Variants in NME5 observed in about 807,000 individuals in gnomAD.
NME5 encodes the protein nucleoside diphosphate kinase 5.
In NME5, 18 loss-of-function variants were observed where a neutral mutation model predicts 21.6. The observed-to-expected ratio is 0.83, with a 90% CI of 0.58 to 1.24. The LOEUF is 1.24. NME5 is among the 50% of genes most tolerant of loss of function. The pLI is 0.00. For missense variants in NME5, 223 were observed against 255.4 expected (o/e 0.87, Z 0.86); for synonymous variants, 70 against 80.6 (o/e 0.87, Z 0.71).
At chr5:138,122,568 C>A (rs1264266373) in intron 4 of NME5, among the ~76,000 whole-genome samples, 1 of 150,198 alleles carries the variant, frequency 6.7e-6, no homozygotes, top group African/African-American at 2.5e-5. Flanking sequence ...AAATTGCACA[C>A]AATTAATGTA....
At position 138,139,427 on chromosome 5, in the gene NME5, G is replaced by A; in HGVS notation, c.-62C>T. The A allele has an allele frequency of 1.0e-6, 1 of 985,122 alleles. No homozygotes were observed. Among genetic ancestry groups the A allele is most frequent in the Non-Finnish European group, 1.2e-6 (1 of 829,682 alleles). The allele number at this position is 985,122 out of a possible 1,614,324, so 61.0% of individuals were successfully genotyped here. On this transcript the variant is annotated 5_prime_UTR_variant, in exon 1 of 6. In the 5' UTR this introduces an upstream ATG that the reference lacks. Coordinates refer to ENST00000265191, the MANE Select transcript of NME5 (RefSeq NM_003551.3). Reference sequence around the variant, plus strand: ...TTGCTAGGAGACCTGAAGCCCCAGCGTGGGGACGGTGGCTGCAGAGAGCCA... The same window carrying A: ...TTGCTAGGAGACCTGAAGCCCCAGCATGGGGACGGTGGCTGCAGAGAGCCA...
chr5:138,131,744 T>A (rs10061967), intron 2 of NME5, among the ~76,000 whole-genome samples: 43,687 of 151,720 alleles, frequency 0.29, 7,379 homozygotes, highest in South Asian at 0.43. Context: ...GCTTTTTTTT[T>A]TTTTTATTTT....
chr5:138,133,395 G>A (rs1751619419), intron 2 of NME5, among the ~76,000 whole-genome samples: 1 of 151,870 alleles, frequency 6.6e-6, no homozygotes, highest in Non-Finnish European at 1.5e-5. Context: ...GTGAGCCACC[G>A]CGCCCGGCCT....
chr5:138,120,301 T>C (rs1751258747), intron 4 of NME5, among the ~76,000 whole-genome samples: 1 of 148,238 alleles, frequency 6.7e-6, no homozygotes, highest in African/African-American at 2.5e-5. Context: ...TGCCGCGATC[T>C]TGGCTCACTG....
chr5:138,139,423 C>T lies in NME5; in HGVS notation c.-58G>A, dbSNP rs999536566. ...CTTGTTGCTAGGAGACCTGAAGCCCCAGCGTGGGGACGGTGGCTGCAGAGA... is the reference window on the plus strand; with the variant it reads ...CTTGTTGCTAGGAGACCTGAAGCCCTAGCGTGGGGACGGTGGCTGCAGAGA... On this transcript the variant is annotated 5_prime_UTR_variant, in exon 1 of 6. Coordinates refer to ENST00000265191, the MANE Select transcript of NME5 (RefSeq NM_003551.3). The T allele has an allele frequency of 3.0e-6, 3 of 985,282 alleles. No homozygotes were observed. The highest frequency in any genetic ancestry group is 3.6e-6 in the Non-Finnish European group (3 of 829,858). 61.0% of individuals were successfully genotyped at this position (985,282 alleles called of 1,614,324 possible).
Position 138,139,377 on chromosome 5 carries a change from G to A in NME5, c.-12C>T. On this transcript the variant is annotated 5_prime_UTR_variant, in exon 1 of 6. Transcript: ENST00000265191. The stretch of plus-strand genomic sequence containing the variant: ...ACCCTCTCTAAGTACTCACCTCAGC[G>A]GCCGTCCTCATATGGTACAACTTGT... 3 of 985,578 alleles carry A rather than the reference G, an allele frequency of 3.0e-6. No homozygotes were observed. The highest frequency in any genetic ancestry group is 3.6e-6 in the Non-Finnish European group (3 of 830,150). 61.1% of individuals were successfully genotyped at this position (985,578 alleles called of 1,614,324 possible).
chr5:138,134,405 G>A (rs559802210), intron 2 of NME5, among the ~76,000 whole-genome samples: 3 of 152,012 alleles, frequency 2.0e-5, no homozygotes, highest in South Asian at 2.1e-4. Context: ...CACCACGCCC[G>A]GCTAATTTTT....
At chr5:138,123,064 A>G (rs1751322562) in intron 4 of NME5, 1 of 152,116 alleles carries the variant, frequency 6.6e-6, no homozygotes, top group Non-Finnish European at 1.5e-5. Context: ...GGCCAAGCTA[A>G]TCTTCTCTGT....
intron 3 of NME5, 65 bp downstream of exon 3, chr5:138,129,198 A>AT (rs11428296): frequency 0.16 from 168,718 of 1,051,064 alleles, 6,131 homozygotes; most frequent in East Asian, 0.48. Context: ...ATGAAATCAG[A>AT]TTTTTTTTTT....
intron 2 of NME5, among the ~76,000 whole-genome samples, chr5:138,131,745 T>A (rs1390629108): frequency 2.0e-5 from 3 of 151,916 alleles, no homozygotes; most frequent in South Asian, 2.1e-4. Context: ...CTTTTTTTTT[T>A]TTTTATTTTT....
intron 2 of NME5, among the ~76,000 whole-genome samples, chr5:138,130,316 A>G (rs1486929023): frequency 6.6e-6 from 1 of 151,408 alleles, no homozygotes; most frequent in Admixed American, 6.6e-5. Context: ...CCACTACATT[A>G]GAGGTGGTGA....
In NME5 at chr5:138,115,695, C is replaced by A; in HGVS notation, c.625G>T (p.Glu209Ter). ...GGATTTTTTTTTTAATAAGGTTCTT[C>A]TACAATTGGATGGTGACAAAGTTTG... ...KPKLCHHPIV[E>*]EPY Residue 209 changes from glutamate to a stop codon, truncating the protein, a stop_gained, in exon 6 of 6, where the codon GAA (glutamate) becomes TAA (stop). Transcript: ENST00000265191. LOFTEE classifies it high-confidence loss of function. 1.3e-6 allele frequency: 2 copies of A among 1,561,844 alleles called. No individual in the cohort carries two copies. Among genetic ancestry groups the A allele is most frequent in the Admixed American group, 2.0e-5 (1 of 50,762 alleles).
rs371297694 is a variant in NME5, at chr5:138,118,960, T to C, written c.437-24A>G. 99 of 1,283,172 alleles carry C rather than the reference T, an allele frequency of 7.7e-5. No individual in the cohort carries two copies. The African/African-American group carries it at 1.2e-3, about 16-fold the overall frequency. 79.5% of individuals were successfully genotyped at this position (1,283,172 alleles called of 1,614,324 possible). ...CACTGCAAATACAAATGTATTCTCA[T>C]TGATGCAAACATAATGATTAAATAC... On this transcript the variant is annotated intron_variant, in intron 4 of 5. Coordinates refer to ENST00000265191, the MANE Select transcript of NME5 (RefSeq NM_003551.3).
At chr5:138,130,856 G>A (rs1416106025) in intron 2 of NME5, among the ~76,000 whole-genome samples, 1 of 151,986 alleles carries the variant, frequency 6.6e-6, no homozygotes, top group Non-Finnish European at 1.5e-5. Context: ...AACCCGGGAG[G>A]CAGAGGTTGC....
rs560404045 is a variant in NME5 at position 138,137,740 on chromosome 5, C to A, written c.129+912G>T. Among the ~76,000 whole-genome samples the A allele has an allele frequency of 4.1e-4, 62 of 151,884 alleles. 1 individual carries two copies. Among genetic ancestry groups the A allele is most frequent in the African/African-American group, 1.4e-3 (60 of 41,466 alleles). ...AAGAGGCGGGGTGCAGTGGCTCACACCTGTAATCCCAGCACTTTGGGAGGC... is the reference window on the plus strand; with the variant it reads ...AAGAGGCGGGGTGCAGTGGCTCACAACTGTAATCCCAGCACTTTGGGAGGC... On this transcript the variant is annotated intron_variant, in intron 2 of 5. Transcript: ENST00000265191.
intron 4 of NME5, among the ~76,000 whole-genome samples, chr5:138,122,260 G>A (rs1445378453): frequency 2.6e-5 from 4 of 151,624 alleles, no homozygotes; most frequent in East Asian, 2.0e-4. Context: ...CCAACGTGGC[G>A]AAACCCTGTC....
At chr5:138,121,780 A>G (rs1359060280) in intron 4 of NME5, among the ~76,000 whole-genome samples, 1 of 152,196 alleles carries the variant, frequency 6.6e-6, no homozygotes, top group South Asian at 2.1e-4. Context: ...CAATTTTGCT[A>G]AATTTTAAAC....
rs990903689 is a variant in NME5, at chr5:138,122,165, G to A, written c.437-3229C>T. 2.6e-5 allele frequency among the ~76,000 whole-genome samples: 4 copies of A among 152,134 alleles called. No individual in the cohort carries two copies. The East Asian group carries it at 5.8e-4, about 22-fold the overall frequency. ...AATTTATGCTTAAATATGGCCGGGC[G>A]TGGTGGCTCACACCTGTAATCCCAG... On this transcript the variant is annotated intron_variant, in intron 4 of 5. Coordinates refer to ENST00000265191, the MANE Select transcript of NME5 (RefSeq NM_003551.3).
rs1335238719 is a variant in NME5 at position 138,118,952 on chromosome 5, T to C, written c.437-16A>G. ...TCAACAATCACTGCAAATACAAATG[T>C]ATTCTCATTGATGCAAACATAATGA... On this transcript the variant is annotated splice_polypyrimidine_tract_variant and intron_variant, in intron 4 of 5. Coordinates refer to ENST00000265191, the MANE Select transcript of NME5 (RefSeq NM_003551.3). 1 of 1,369,376 alleles carries C rather than the reference T, an allele frequency of 7.3e-7. No individual in the cohort carries two copies. The highest frequency in any genetic ancestry group is 1.0e-6 in the Non-Finnish European group (1 of 958,774). 84.8% of individuals were successfully genotyped at this position (1,369,376 alleles called of 1,614,324 possible).
Sources: allele counts gnomAD v4.1 joint callset (sites outside exome capture counted in the v4.1 genomes callset), GRCh38; gene constraint gnomAD v4.1.1; transcripts MANE v1.5; gene names NCBI Gene and HGNC (gene_info 2026-07-23, HGNC 2026-07-21).